The following PPEF2 variants were observed in gnomAD, a reference collection of about 807,000 sequenced individuals.
PPEF2 encodes protein phosphatase with EF-hand domain 2.
A neutral mutation model predicts 84.7 loss-of-function variants in PPEF2; 84 were observed. The ratio of observed to expected loss-of-function variants is 0.99; its 90% CI spans 0.83 to 1.19. The LOEUF (loss-of-function observed/expected upper bound fraction) is 1.19. PPEF2 is among the 50% of genes most tolerant of loss of function. The pLI is 0.00. For missense variants in PPEF2, 924 were observed against 937.5 expected (o/e 0.99, Z 0.19); for synonymous variants, 346 against 345.2 (o/e 1.00, Z -0.03).
intron 2 of PPEF2, among the ~76,000 whole-genome samples, chr4:75,895,198 C>T (rs900076881): frequency 6.8e-6 from 1 of 147,594 alleles, no homozygotes; most frequent in African/African-American, 2.5e-5. Context: ...GAGGCCGAGG[C>T]GGGCAGATCA....
At chr4:75,867,216 C>A (rs933352947) in intron 14 of PPEF2, 97 bp downstream of exon 14, 36 of 863,766 alleles carry the variant, frequency 4.2e-5, no homozygotes, top group Non-Finnish European at 6.1e-5. Context: ...TTGGGTCACT[C>A]ATTAAAGCAA....
intron 7 of PPEF2, among the ~76,000 whole-genome samples, chr4:75,885,386 G>A (rs995420424): frequency 1.3e-5 from 2 of 152,016 alleles, no homozygotes; most frequent in South Asian, 4.2e-4. Context: ...TGGCCTCAAC[G>A]ATCCTCCCAC....
In PPEF2 at chr4:75,867,527, G is replaced by C. The variant is rs1724161389; in HGVS notation, c.1650-108C>G. 4.8e-6 allele frequency: 4 copies of C among 832,788 alleles called. No individual in the cohort carries two copies. In the East Asian group the frequency reaches 1.1e-4, roughly 23 times the overall value. The allele number at this position is 832,788 out of a possible 1,614,324, so 51.6% of individuals were successfully genotyped here. A position where few individuals can be genotyped will look rare whatever the true frequency, so the allele number is the denominator to read the frequency against. ...CTTTCTTAACATATCAGTCTCCCAA[G>C]AGCTCAGTTTTCGAGGGAGAGCGCC... is the stretch of plus-strand genomic sequence containing the variant. On this transcript the variant is annotated intron_variant, in intron 13 of 16. Transcript: ENST00000286719.
intron 11 of PPEF2, 108 bp from the exon 12 acceptor site, chr4:75,873,420 T>A: frequency 9.6e-7 from 1 of 1,041,142 alleles, no homozygotes; most frequent in Non-Finnish European, 1.4e-6. Context: ...TAAAAATAAG[T>A]GAATAAATGT....
intron 1 of PPEF2, among the ~76,000 whole-genome samples, chr4:75,897,086 C>G (rs1187685296): frequency 1.3e-5 from 2 of 152,072 alleles, no homozygotes; most frequent in Non-Finnish European, 2.9e-5. Flanking sequence ...ATCTCCTGAC[C>G]TTGTGATCCG....
chr4:75,873,491 T>C (rs1724335039), intron 11 of PPEF2, among the ~76,000 whole-genome samples, 179 bp from the exon 12 acceptor site: 1 of 152,238 alleles, frequency 6.6e-6, no homozygotes, highest in Non-Finnish European at 1.5e-5. Context: ...CAGAATTTCT[T>C]ATTACTCACA....
At chr4:75,896,985 C>T (rs371834483) in intron 1 of PPEF2, among the ~76,000 whole-genome samples, 7 of 152,002 alleles carry the variant, frequency 4.6e-5, no homozygotes, top group African/African-American at 7.2e-5. Flanking sequence ...CCTGGGTTCA[C>T]GCCATTCTCA....
At chr4:75,864,154 G>A (rs576661014) in intron 16 of PPEF2, among the ~76,000 whole-genome samples, 7 of 152,200 alleles carry the variant, frequency 4.6e-5, no homozygotes, top group East Asian at 3.9e-4. Context: ...ATTAAGGCAG[G>A]AGCCACCATG....
At chr4:75,890,226 C>G in intron 4 of PPEF2, 94 bp from the exon 5 acceptor site, 3 of 1,397,462 alleles carry the variant, frequency 2.1e-6, no homozygotes, top group Non-Finnish European at 3.0e-6. Flanking sequence ...CACGGTGGCT[C>G]TCTAATCCCA....
At chr4:75,877,667 TTTCTC>T (rs1268143415) in intron 10 of PPEF2, among the ~76,000 whole-genome samples, 4 of 125,642 alleles carry the variant, frequency 3.2e-5, no homozygotes, top group South Asian at 2.3e-4. Context: ...TTGTATTTCC[TTTCTC>T]TTTTTTTTTT....
intron 7 of PPEF2, among the ~76,000 whole-genome samples, chr4:75,885,124 A>G (rs896405515): frequency 6.6e-6 from 1 of 152,222 alleles, no homozygotes; most frequent in African/African-American, 2.4e-5. Flanking sequence ...AAGATAATGC[A>G]TGGGAAAATG....
At chr4:75,863,718 T>A (rs1426567394) in intron 16 of PPEF2, among the ~76,000 whole-genome samples, 1 of 152,054 alleles carries the variant, frequency 6.6e-6, no homozygotes, top group Non-Finnish European at 1.5e-5. Context: ...TTTTTTTTTA[T>A]AACTTCCTGT....
chr4:75,873,354 A>G, intron 11 of PPEF2, 42 bp from the exon 12 acceptor site: 1 of 1,524,654 alleles, frequency 6.6e-7, no homozygotes, highest in Non-Finnish European at 8.9e-7. Flanking sequence ...AAAACTAGAT[A>G]CATATTCATC....
Position 75,872,043 on chromosome 4 carries a change from G to T in PPEF2, c.1631C>A (p.Thr544Lys), listed in dbSNP as rs760322160. Residue 544 changes from threonine (T) to lysine (K), a missense_variant, in exon 13 of 17, where the codon ACA becomes AAA. Transcript: ENST00000286719. ...VQYQANKVTH[T>K]LTMRQRISRV... is the part of the protein sequence containing the mutation. ...GTCTTGCCTTTGCCTCATGGTGAGTGTGTGGGTCACCTTGTTAGCTTGATA... is the reference window on the plus strand; with the variant it reads ...GTCTTGCCTTTGCCTCATGGTGAGTTTGTGGGTCACCTTGTTAGCTTGATA... 2.3e-5 allele frequency: 37 copies of T among 1,611,294 alleles called. No homozygotes were observed. The African/African-American group carries it at 3.2e-4, about 14-fold the overall frequency.
intron 14 of PPEF2, among the ~76,000 whole-genome samples, chr4:75,867,023 T>C (rs1393420174): frequency 6.6e-6 from 1 of 152,180 alleles, no homozygotes. Context: ...CTTATACTCT[T>C]ATAACTTCTC....
At chr4:75,876,714 C>T (rs199943828) in intron 10 of PPEF2, 41 bp from the exon 11 acceptor site, 2 of 1,507,746 alleles carry the variant, frequency 1.3e-6, no homozygotes, top group Non-Finnish European at 8.9e-7. Flanking sequence ...TGGAATGAAA[C>T]TGTAGGCCCA....
rs369376005 is a variant in PPEF2 at position 75,890,066 on chromosome 4, C to T, written c.308G>A (p.Ser103Asn). 1 of 1,613,998 alleles carries T rather than the reference C, an allele frequency of 6.2e-7. No homozygotes were observed. Among genetic ancestry groups the T allele is most frequent in the Non-Finnish European group, 8.5e-7 (1 of 1,180,012 alleles). ...GGGTACCTCTATGGATTCATAGTCA[C>T]TGCATTTCTTCATCTCGGAGTCCTG... The part of the protein sequence containing the change: ...FAQDSEMKKC[S>N]DYESIEVPDS... The change falls in exon 5 of 17, where the codon AGT (serine) becomes AAT (asparagine). Residue 103 changes from serine (S) to asparagine (N), a missense_variant. Ser to Asn is a conservative substitution (Grantham distance 46). Transcript: ENST00000286719.
chr4:75,872,361 C>A (rs1724302467), intron 12 of PPEF2, among the ~76,000 whole-genome samples, 194 bp from the exon 13 acceptor site: 1 of 152,120 alleles, frequency 6.6e-6, no homozygotes, highest in South Asian at 2.1e-4. Context: ...TGACTCAAGT[C>A]ATAGAAATTT....
chr4:75,884,907 A>G (rs1248646742), intron 7 of PPEF2, 147 bp from the exon 8 acceptor site: 3 of 658,278 alleles, frequency 4.6e-6, no homozygotes. Context: ...ATGTCAGTAA[A>G]TGATGGAAGT....
Sources: allele counts gnomAD v4.1 joint callset (sites outside exome capture counted in the v4.1 genomes callset), GRCh38; gene constraint gnomAD v4.1.1; transcripts MANE v1.5; gene names NCBI Gene and HGNC (gene_info 2026-07-23, HGNC 2026-07-21).